The following P2RY12 variants were observed in gnomAD, a reference collection of about 807,000 sequenced individuals.
The protein encoded by P2RY12 is purinergic receptor P2Y12.
Under a neutral mutation model 4.5 loss-of-function variants are expected in P2RY12, and 3 were observed. That is an observed-to-expected ratio of 0.67 (90% CI 0.31 to 1.74). The LOEUF (loss-of-function observed/expected upper bound fraction) is 1.74. Ranked by LOEUF, P2RY12 falls within the 40% of genes most tolerant of loss-of-function variation. The pLI, the probability that P2RY12 is intolerant of heterozygous loss-of-function variation, is 0.09. For synonymous variants in P2RY12, 148 were observed against 154.1 expected, an observed-to-expected ratio of 0.96 and a Z score of 0.29; for missense variants, 356 against 407.8, an observed-to-expected ratio of 0.87 and a Z score of 1.09.
intron 1 of P2RY12, chr3:151,376,766 C>G: frequency 6.6e-7 from 1 of 1,525,860 alleles, no homozygotes; most frequent in Non-Finnish European, 9.1e-7. Flanking sequence ...ACATTTGATA[C>G]CCATAATGTT....
intron 1 of P2RY12, among the ~76,000 whole-genome samples, chr3:151,375,211 T>C (rs1166294771): frequency 6.6e-6 from 1 of 152,228 alleles, no homozygotes; most frequent in Non-Finnish European, 1.5e-5. Context: ...ATGTGGGCCC[T>C]GGGCATGGAA....
At chr3:151,344,094 A>T (rs1752243683) in intron 1 of P2RY12, among the ~76,000 whole-genome samples, 1 of 152,080 alleles carries the variant, frequency 6.6e-6, no homozygotes, top group Non-Finnish European at 1.5e-5. Flanking sequence ...ATATTTCGCA[A>T]AAATGAATGC....
chr3:151,368,167 G>C, intron 1 of P2RY12: 1 of 1,613,968 alleles, frequency 6.2e-7, no homozygotes, highest in Non-Finnish European at 8.5e-7. Context: ...GGATGCGGAC[G>C]CCGAGCCTGG....
At chr3:151,369,568 TA>T in intron 1 of P2RY12, 1 of 1,489,250 alleles carries the variant, frequency 6.7e-7, no homozygotes, top group South Asian at 1.2e-5. Context: ...ATTCTGACCC[TA>T]AGCTTCTTGG....
chr3:151,364,240 G>A (rs372237750), intron 1 of P2RY12, among the ~76,000 whole-genome samples: 12 of 152,236 alleles, frequency 7.9e-5, no homozygotes, highest in African/African-American at 2.9e-4. Context: ...GAGGAGATAG[G>A]TTCTAATTCC....
intron 1 of P2RY12, among the ~76,000 whole-genome samples, chr3:151,375,747 T>C (rs1288796864): frequency 6.6e-6 from 1 of 152,112 alleles, no homozygotes; most frequent in Non-Finnish European, 1.5e-5. Context: ...AGCAAGACCT[T>C]ACTTTCCAGT....
chr3:151,365,811 G>A, intron 1 of P2RY12: 1 of 1,545,848 alleles, frequency 6.5e-7, no homozygotes, highest in Admixed American at 1.9e-5. Context: ...TTTCTCTTTT[G>A]TACAAGGTTA....
At chr3:151,347,970 C>T (rs936925316) in intron 1 of P2RY12, among the ~76,000 whole-genome samples, 14 of 152,108 alleles carry the variant, frequency 9.2e-5, no homozygotes, top group East Asian at 3.9e-4. Flanking sequence ...TGATCCTGTG[C>T]GATGTGAGGA....
intron 1 of P2RY12, chr3:151,357,381 G>GTA: frequency 6.4e-7 from 1 of 1,572,744 alleles, no homozygotes; most frequent in African/African-American, 1.4e-5. Flanking sequence ...TGAAGGGTTG[G>GTA]TATATAGCAT....
chr3:151,339,787 T>A (rs1200690929), intron 2 of P2RY12, among the ~76,000 whole-genome samples: 3 of 41,496 alleles, frequency 7.2e-5, no homozygotes, highest in East Asian at 1.4e-3. Context: ...TAGGCAGCTA[T>A]AATGAAAACT....
chr3:151,360,831 T>TC (rs1298575517), intron 1 of P2RY12, among the ~76,000 whole-genome samples: 2 of 152,130 alleles, frequency 1.3e-5, no homozygotes, highest in Admixed American at 6.6e-5. Context: ...AGGTTTTTTT[T>TC]CCCCCAATAT....
chr3:151,366,051 A>G (rs917312946), intron 1 of P2RY12: 2 of 1,342,920 alleles, frequency 1.5e-6, no homozygotes, highest in Admixed American at 2.7e-5. Context: ...GTTAGTGGGT[A>G]ATCTTTTTGC....
At chr3:151,374,426 T>G (rs1451932882) in intron 1 of P2RY12, among the ~76,000 whole-genome samples, 2 of 152,162 alleles carry the variant, frequency 1.3e-5, no homozygotes, top group Non-Finnish European at 2.9e-5. Context: ...CACATGCCTG[T>G]CATCCCAGCT....
chr3:151,373,058 A>G (rs1756386375), intron 1 of P2RY12, among the ~76,000 whole-genome samples: 2 of 152,170 alleles, frequency 1.3e-5, no homozygotes, highest in South Asian at 2.1e-4. Flanking sequence ...AGTAGATTGT[A>G]TATTTTATTC....
At chr3:151,355,967 C>A (rs1753869639) in intron 1 of P2RY12, 1 of 1,613,992 alleles carries the variant, frequency 6.2e-7, no homozygotes, top group Non-Finnish European at 8.5e-7. Flanking sequence ...CTTTGGCTCA[C>A]CACATTCAGC....
chr3:151,357,083 T>C (rs1754023579), intron 1 of P2RY12: 1 of 812,588 alleles, frequency 1.2e-6, no homozygotes, highest in East Asian at 2.8e-5. Flanking sequence ...ATTAAAAATT[T>C]TAAAAAAGTT....
chr3:151,382,868 C>G (rs768405441), intron 1 of P2RY12: 111 of 679,622 alleles, frequency 1.6e-4, no homozygotes, highest in Non-Finnish European at 2.5e-4. Context: ...ACTCTTTGCT[C>G]TCTGTAATTA....
intron 1 of P2RY12, among the ~76,000 whole-genome samples, chr3:151,361,311 G>A (rs1754587086): frequency 6.6e-6 from 1 of 151,948 alleles, no homozygotes; most frequent in Non-Finnish European, 1.5e-5. Context: ...AAAATGACCA[G>A]TACCCTCACT....
intron 1 of P2RY12, among the ~76,000 whole-genome samples, chr3:151,365,667 T>G (rs903065595): frequency 6.6e-6 from 1 of 152,250 alleles, no homozygotes; most frequent in African/African-American, 2.4e-5. Flanking sequence ...CAAAAATATT[T>G]GAAGCCATTG....
Sources: gnomAD v4.1 joint callset for allele counts (sites outside exome capture counted in the v4.1 genomes callset) on GRCh38, gnomAD v4.1.1 for gene constraint, MANE v1.5 for transcripts, NCBI Gene and HGNC (gene_info 2026-07-23, HGNC 2026-07-21) for gene names.